AKR1C3: variants seen among roughly 807,000 people sequenced by gnomAD.
AKR1C3 encodes the protein aldo-keto reductase family 1 member C3.
AKR1C3 carries 48 observed loss-of-function variants against 43.6 expected under a neutral mutation model. The ratio of observed to expected loss-of-function variants is 1.10; its 90% CI spans 0.87 to 1.40. AKR1C3 has a LOEUF of 1.40. AKR1C3 is among the 40% of genes most tolerant of loss of function. The pLI, the probability that AKR1C3 is intolerant of heterozygous loss-of-function variation, is 0.00. For synonymous variants in AKR1C3, 162 were observed against 139.6 expected (o/e 1.16, Z -1.13); for missense variants, 482 against 391.2 (o/e 1.23, Z -1.96).
At chr10:5,070,336 C>G (rs550903772) in intron 1 of AKR1C3, among the ~76,000 whole-genome samples, 18 of 99,628 alleles carry the variant, frequency 1.8e-4, no homozygotes, top group Non-Finnish European at 2.8e-4. Context: ...CAACAAAATG[C>G]ACAAAAAAGC....
At position 5,077,890 on chromosome 10, in the gene AKR1C3, G is replaced by A. The variant is rs1043162578; in HGVS notation, c.85-18520G>A. On this transcript the variant is annotated intron_variant, in intron 1 of 8. Transcript: ENST00000439082. ...AACAGAACTAAGATCAGAATTCTTT[G>A]AATCATCAGAATCATCTCTTTTGAA... 2.7e-5 allele frequency: 16 copies of A among 600,302 alleles called. 1 individual carries two copies. The highest frequency in any genetic ancestry group is 2.5e-4 in the African/African-American group (13 of 51,634). 37.2% of individuals were successfully genotyped at this position (600,302 alleles called of 1,614,324 possible).
upstream of AKR1C3, among the ~76,000 whole-genome samples, chr10:5,090,180 G>A (rs1316221042): frequency 1.3e-5 from 2 of 152,136 alleles, no homozygotes; most frequent in Non-Finnish European, 2.9e-5. Flanking sequence ...AGTGCCCTGA[G>A]CTTCCTATTC....
At chr10:5,068,173 AATC>A (rs1365906341) in intron 1 of AKR1C3, among the ~76,000 whole-genome samples, 1 of 151,510 alleles carries the variant, frequency 6.6e-6, no homozygotes, top group Non-Finnish European at 1.5e-5. Flanking sequence ...GTAACATAAT[AATC>A]ATAATTATAG....
intron 1 of AKR1C3, among the ~76,000 whole-genome samples, chr10:5,062,976 A>G (rs1336752505): frequency 6.6e-6 from 1 of 152,180 alleles, no homozygotes; most frequent in African/African-American, 2.4e-5. Context: ...TCCCTGATTC[A>G]TTATTTTTTT....
intron 1 of AKR1C3, among the ~76,000 whole-genome samples, chr10:5,074,149 A>G (rs1486178562): frequency 6.6e-6 from 1 of 152,116 alleles, no homozygotes; most frequent in African/African-American, 2.4e-5. Flanking sequence ...GACTGAACCA[A>G]TGTTCATCAT....
rs138644765 is a variant in AKR1C3 at position 5,105,648 on chromosome 10, C to T, written c.900C>T (p.Asp300=). 105 of 1,613,846 alleles carry T rather than the reference C, an allele frequency of 6.5e-5. No individual in the cohort carries two copies. In the African/African-American group the frequency reaches 1.2e-3, roughly 19 times the overall value. The change falls in exon 8 of 9, where the codon GAC becomes GAT. Residue 300 remains aspartate (D), a synonymous_variant. Coordinates refer to ENST00000380554, the MANE Select transcript of AKR1C3 (RefSeq NM_003739.6). ...ACATGAAAGCCATAGATGGCCTAGA[C>T]AGAAATCTCCACTATTTTAACAGTG... ...AEDMKAIDGL[D]RNLHYFNSDS...
At chr10:5,103,291 C>CACATATTTATTCACTTGGAGTTTT (rs1169367643) in intron 7 of AKR1C3, among the ~76,000 whole-genome samples, 3 of 151,926 alleles carry the variant, frequency 2.0e-5, no homozygotes, top group Non-Finnish European at 4.4e-5. Context: ...GTTAAAATTT[C>CACATATTTATTCACTTGGAGTTTT]ACATATTTAT....
At chr10:5,075,682 C>T (rs1348951214) in intron 1 of AKR1C3, among the ~76,000 whole-genome samples, 1 of 152,144 alleles carries the variant, frequency 6.6e-6, no homozygotes, top group Non-Finnish European at 1.5e-5. Context: ...TGAGACCAGC[C>T]TGACCAACGT....
chr10:5,078,108 G>C lies in AKR1C3; in HGVS notation c.85-18302G>C. ...AGGAATGATGTCTTTTGTTTCCAAA[G>C]TCAACATACTAGAGTGATTCAAAAA... On this transcript the variant is annotated intron_variant, in intron 1 of 8. Coordinates refer to the AKR1C3 transcript ENST00000439082. 5.2e-6 allele frequency: 3 copies of C among 578,662 alleles called. No homozygotes were observed. The South Asian group carries it at 6.7e-5, about 13-fold the overall frequency. 35.8% of individuals were successfully genotyped at this position (578,662 alleles called of 1,614,324 possible).
intron 4 of AKR1C3, 152 bp downstream of exon 4, chr10:5,099,031 C>T (rs1588356275): frequency 2.3e-6 from 2 of 852,866 alleles, no homozygotes; most frequent in East Asian, 5.4e-5. Context: ...GGGAAAAACA[C>T]AAAAGGAATG....
At chr10:5,067,086 A>G (rs1838521822) in intron 1 of AKR1C3, among the ~76,000 whole-genome samples, 1 of 152,198 alleles carries the variant, frequency 6.6e-6, no homozygotes, top group African/African-American at 2.4e-5. Context: ...CAACATATGT[A>G]CCATTAAAGT....
intron 1 of AKR1C3, among the ~76,000 whole-genome samples, chr10:5,087,577 T>C (rs962925044): frequency 6.6e-6 from 1 of 151,952 alleles, no homozygotes; most frequent in Non-Finnish European, 1.5e-5. Context: ...GGTTTCACCA[T>C]GTTGGCCAGG....
chr10:5,056,108 G>A (rs1838255772), intron 1 of AKR1C3, among the ~76,000 whole-genome samples: 1 of 152,128 alleles, frequency 6.6e-6, no homozygotes, highest in South Asian at 2.1e-4. Context: ...CTTCCAAACT[G>A]GTAGCCAAAA....
intron 1 of AKR1C3, among the ~76,000 whole-genome samples, chr10:5,067,473 T>C (rs1305971524): frequency 2.0e-5 from 3 of 152,174 alleles, no homozygotes; most frequent in Non-Finnish European, 4.4e-5. Flanking sequence ...AGTTTTGTTG[T>C]AGTGCAGATG....
intron 1 of AKR1C3, among the ~76,000 whole-genome samples, chr10:5,083,251 C>G (rs960527302): frequency 1.4e-4 from 22 of 152,104 alleles, no homozygotes; most frequent in African/African-American, 5.3e-4. Context: ...AACAGTCCCC[C>G]AGAGTGTGAT....
intron 3 of AKR1C3, chr10:5,098,024 A>G: frequency 1.0e-6 from 1 of 1,003,054 alleles, no homozygotes; most frequent in East Asian, 1.1e-4. Flanking sequence ...GCAAAGCTTT[A>G]TTATTCTGCT....
At chr10:5,105,281 ATGACCCTATCATGTGGGCACAATG>A (rs11270349) in intron 7 of AKR1C3, 170,416 of 210,452 alleles carry the variant, frequency 0.81, 68,864 homozygotes, top group Middle Eastern at 0.91. Flanking sequence ...TTCTAGGTAC[ATGACCCTATCATGTGGGCACAATG>A]TGACCCTATC....
chr10:5,097,753 G>A, intron 3 of AKR1C3: 1 of 1,347,498 alleles, frequency 7.4e-7, no homozygotes, highest in Non-Finnish European at 9.6e-7. Context: ...AGAGAAGAGA[G>A]TACAGCAACC....
chr10:5,055,383 C>G (rs1398377385), intron 1 of AKR1C3, among the ~76,000 whole-genome samples: 1 of 152,210 alleles, frequency 6.6e-6, no homozygotes, highest in Non-Finnish European at 1.5e-5. Flanking sequence ...TTTGAAGCAC[C>G]AGTCCCTCAA....
Sources: allele counts gnomAD v4.1 joint callset (sites outside exome capture counted in the v4.1 genomes callset), GRCh38; gene constraint gnomAD v4.1.1; transcripts MANE v1.5; gene names NCBI Gene and HGNC (gene_info 2026-07-23, HGNC 2026-07-21).